Variants in CADPS observed in about 807,000 individuals in gnomAD.
CADPS encodes calcium-dependent secretion activator 1.
CADPS carries 57 observed loss-of-function variants against 167.3 expected under a neutral mutation model. The ratio of observed to expected loss-of-function variants is 0.34; its 90% confidence interval spans 0.28 to 0.42. CADPS has a LOEUF of 0.42. CADPS is among the 20% of genes least tolerant of loss of function. The probability of loss-of-function intolerance (pLI) is 1.00; values close to 1 mark genes in which losing one functional copy is unlikely to be tolerated. For synonymous variants in CADPS, 676 were observed against 635.3 expected (o/e 1.06, Z -0.96); for missense variants, 1,414 against 1,738.1 (o/e 0.81, Z 3.32).
rs568544052 is a variant in CADPS at position 62,647,984 on chromosome 3, C to T, written c.1204-2141G>A. On this transcript the variant is annotated intron_variant, in intron 5 of 29. Coordinates refer to ENST00000383710, the MANE Select transcript of CADPS (RefSeq NM_003716.4). Reference sequence around the variant, plus strand: ...GCCCAAGGCCTGGCTACTGGGCACCCTGGACCTTCCTTCCCTCACTGCAAA... The same window carrying T: ...GCCCAAGGCCTGGCTACTGGGCACCTTGGACCTTCCTTCCCTCACTGCAAA... Among the ~76,000 whole-genome samples, 3 of 152,230 alleles carry T rather than the reference C, an allele frequency of 2.0e-5. No homozygotes were observed. The South Asian group carries it at 6.2e-4, about 31-fold the overall frequency.
chr3:62,706,892 C>A (rs2082408030), intron 3 of CADPS, among the ~76,000 whole-genome samples: 1 of 152,058 alleles, frequency 6.6e-6, no homozygotes, highest in Non-Finnish European at 1.5e-5. Flanking sequence ...TTAATGGGTA[C>A]AATGTACACC....
chr3:62,492,256 T>A, intron 20 of CADPS, 34 bp downstream of exon 20: 1 of 1,597,974 alleles, frequency 6.3e-7, no homozygotes, highest in African/African-American at 1.3e-5. Flanking sequence ...TGCACACTAC[T>A]TAGGAAAGTC....
At chr3:62,821,347 C>A (rs1321851828) in intron 1 of CADPS, among the ~76,000 whole-genome samples, 1 of 152,108 alleles carries the variant, frequency 6.6e-6, no homozygotes, top group Non-Finnish European at 1.5e-5. Flanking sequence ...ATATCACAAA[C>A]TGGGTGGCTT....
chr3:62,528,323 C>T (rs1043404328), intron 13 of CADPS, among the ~76,000 whole-genome samples: 2 of 152,168 alleles, frequency 1.3e-5, no homozygotes, highest in Non-Finnish European at 2.9e-5. Flanking sequence ...GAGCCTCAAG[C>T]ACTCATCTAT....
At chr3:62,495,292 C>G (rs1424730522) in intron 18 of CADPS, among the ~76,000 whole-genome samples, 1 of 152,112 alleles carries the variant, frequency 6.6e-6, no homozygotes, top group Non-Finnish European at 1.5e-5. Context: ...ATAATCAAAC[C>G]TGACTCTCCA....
At chr3:62,605,428 T>G (rs1438747755) in intron 6 of CADPS, among the ~76,000 whole-genome samples, 1 of 152,248 alleles carries the variant, frequency 6.6e-6, no homozygotes, top group Non-Finnish European at 1.5e-5. Flanking sequence ...GACACATTTA[T>G]TAGCCTCTCA....
At chr3:62,643,863 G>A (rs890679037) in intron 6 of CADPS, among the ~76,000 whole-genome samples, 1 of 152,140 alleles carries the variant, frequency 6.6e-6, no homozygotes, top group Non-Finnish European at 1.5e-5. Context: ...TATAACATAA[G>A]AGCATGGAAA....
intron 28 of CADPS, among the ~76,000 whole-genome samples, chr3:62,415,319 C>A (rs2049845818): frequency 6.6e-6 from 1 of 152,070 alleles, no homozygotes; most frequent in Admixed American, 6.6e-5. Flanking sequence ...AGAAAAACAT[C>A]TGCAAACTCC....
At chr3:62,576,813 A>AAAAAAAAAAAAAATG (rs1562375615) in intron 8 of CADPS, among the ~76,000 whole-genome samples, 1 of 149,290 alleles carries the variant, frequency 6.7e-6, no homozygotes, top group African/African-American at 2.5e-5. Flanking sequence ...AAAAAAAAAA[A>AAAAAAAAAAAAAATG]AAAAGCAGTC....
In CADPS at chr3:62,399,412, G is replaced by A. The variant is rs537298723; in HGVS notation, c.4056C>T (p.Asp1352=). ...MKDSDEEDEE[D]D ...GACTCTAGGACCAAATGGTCTAATC[G>A]TCTTCTTCGTCTTCCTCATCGCTGT... Residue 1352 remains aspartate, a synonymous_variant, in exon 30 of 30, where the codon GAC becomes GAT. Transcript: ENST00000383710. This position sits in a 1 kb window ranked among gnomAD's most constrained non-coding sequence, Gnocchi z 5.6. 15 of 1,614,038 alleles carry A rather than the reference G, an allele frequency of 9.3e-6. No homozygotes were observed. The highest frequency in any genetic ancestry group is 8.3e-5 in the Admixed American group (5 of 60,022).
chr3:62,549,445 G>GCGT (rs1425662070), intron 11 of CADPS, among the ~76,000 whole-genome samples: 2 of 54,054 alleles, frequency 3.7e-5, no homozygotes, highest in Non-Finnish European at 4.6e-5. Flanking sequence ...ACCATGTTTT[G>GCGT]TGTTTTTTTT....
At chr3:62,504,764 C>T (rs1461201682) in intron 17 of CADPS, among the ~76,000 whole-genome samples, 2 of 152,120 alleles carry the variant, frequency 1.3e-5, no homozygotes, top group African/African-American at 2.4e-5. Context: ...ATCTGCTTGG[C>T]TTCCAGAGAG....
intron 1 of CADPS, among the ~76,000 whole-genome samples, chr3:62,833,786 C>T (rs2075490636): frequency 6.6e-6 from 1 of 152,114 alleles, no homozygotes; most frequent in Non-Finnish European, 1.5e-5. Flanking sequence ...AACAGAGTGT[C>T]TCCATCTTTA....
chr3:62,584,505 A>G (rs2084140874), intron 8 of CADPS, among the ~76,000 whole-genome samples: 1 of 152,206 alleles, frequency 6.6e-6, no homozygotes. Context: ...GAGTTACACG[A>G]TTATCATGTT....
intron 1 of CADPS, among the ~76,000 whole-genome samples, chr3:62,827,496 A>G (rs569256361): frequency 1.3e-5 from 2 of 152,308 alleles, no homozygotes; most frequent in Admixed American, 6.5e-5. Context: ...AGGGTCCCAA[A>G]GCCAGTAAGG....
At chr3:62,656,936 T>G (rs568591661) in intron 4 of CADPS, among the ~76,000 whole-genome samples, 3 of 152,152 alleles carry the variant, frequency 2.0e-5, no homozygotes, top group Admixed American at 1.3e-4. Context: ...TTTCCCAGGA[T>G]TTTTAGCTAT....
At chr3:62,717,910 C>A (rs951440883) in intron 3 of CADPS, among the ~76,000 whole-genome samples, 4 of 152,168 alleles carry the variant, frequency 2.6e-5, no homozygotes, top group Non-Finnish European at 4.4e-5. Context: ...TGTGTTCCCA[C>A]AACACATCAC....
intron 28 of CADPS, among the ~76,000 whole-genome samples, chr3:62,411,783 C>G (rs1452612196): frequency 6.6e-6 from 1 of 152,200 alleles, no homozygotes; most frequent in African/African-American, 2.4e-5. Context: ...CACTAAAGGA[C>G]GGCACGCAGT....
chr3:62,530,856 C>A (rs1391339088), intron 13 of CADPS: 3 of 1,110,118 alleles, frequency 2.7e-6, no homozygotes. Context: ...CAGAGTGTGG[C>A]CAGCCATAGG....
Sources: gnomAD v4.1 joint callset for allele counts (sites outside exome capture counted in the v4.1 genomes callset) on GRCh38, gnomAD v4.1.1 for gene constraint, Gnocchi (gnomAD v3.1) non-coding constraint, MANE v1.5 for transcripts, NCBI Gene and HGNC (gene_info 2026-07-23, HGNC 2026-07-21) for gene names.